Variants in ST18 observed in about 807,000 individuals in gnomAD.
ST18 encodes the protein ST18 C2H2C-type zinc finger transcription factor.
Under a neutral mutation model 110.0 loss-of-function variants are expected in ST18, and 50 were observed. The observed-to-expected ratio is 0.45, with a 90% CI of 0.36 to 0.58. ST18 has a LOEUF of 0.58. Among genes scored for constraint, ST18 ranks in the 20% least tolerant of loss-of-function variants. ST18 has a pLI of 0.00. For synonymous variants in ST18, 461 were observed against 452.4 expected, an observed-to-expected ratio of 1.02 and a Z score of -0.24; for missense variants, 1,306 against 1,280.1, an observed-to-expected ratio of 1.02 and a Z score of -0.31.
At chr8:52,168,574 G>A (rs777394905) in intron 10 of ST18, among the ~76,000 whole-genome samples, 2 of 152,050 alleles carry the variant, frequency 1.3e-5, no homozygotes, top group Admixed American at 6.6e-5. Context: ...CCTTCGAGTC[G>A]TTCTGCGCTG....
At chr8:52,168,960 A>G (rs532988255) in intron 10 of ST18, among the ~76,000 whole-genome samples, 2 of 152,208 alleles carry the variant, frequency 1.3e-5, no homozygotes, top group South Asian at 4.1e-4. Flanking sequence ...CCTCTCTTGG[A>G]CCTTGCCCAG....
chr8:52,189,577 G>A (rs1381951759), intron 8 of ST18, among the ~76,000 whole-genome samples: 2 of 152,196 alleles, frequency 1.3e-5, no homozygotes, highest in Non-Finnish European at 2.9e-5. Flanking sequence ...AAAGAGAAGA[G>A]CCATGTCCTT....
chr8:52,395,606 T>C (rs1167623114), intron 2 of ST18, among the ~76,000 whole-genome samples: 1 of 152,118 alleles, frequency 6.6e-6, no homozygotes, highest in African/African-American at 2.4e-5. Flanking sequence ...GACTTTCTCG[T>C]GGTCCATGAG....
intron 25 of ST18, among the ~76,000 whole-genome samples, chr8:52,115,485 A>G (rs2130335433): frequency 6.6e-6 from 1 of 152,322 alleles, no homozygotes; most frequent in South Asian, 2.1e-4. Flanking sequence ...TATGGTTTAG[A>G]TATGTTTTTC....
intron 8 of ST18, among the ~76,000 whole-genome samples, chr8:52,197,889 GCACA>G (rs57662247): frequency 2.0e-5 from 3 of 150,150 alleles, no homozygotes; most frequent in Admixed American, 1.3e-4. Flanking sequence ...AACAAAATGA[GCACA>G]CACACACACA....
rs771591994 is a variant in ST18 at position 52,214,284 on chromosome 8, G to C, written c.1-27C>G. ...TATAACATGAACACAAAGTCCTGAG[G>C]TCATTCCTTTGACATTGACCAAAAT... On this transcript the variant is annotated intron_variant, in intron 6 of 25. Coordinates refer to ENST00000689386, the MANE Select transcript of ST18 (RefSeq NM_001352837.2). The C allele has an allele frequency of 2.4e-5, 39 of 1,612,422 alleles. No individual in the cohort carries two copies. The South Asian group carries it at 4.3e-4, about 18-fold the overall frequency.
intron 23 of ST18, among the ~76,000 whole-genome samples, chr8:52,122,250 T>C (rs2045211889): frequency 6.6e-6 from 1 of 152,176 alleles, no homozygotes; most frequent in Non-Finnish European, 1.5e-5. Flanking sequence ...TTCTAATATT[T>C]ATTTGGTACT....
chr8:52,312,955 A>T (rs2095949310), intron 2 of ST18, among the ~76,000 whole-genome samples: 1 of 152,140 alleles, frequency 6.6e-6, no homozygotes, highest in South Asian at 2.1e-4. Flanking sequence ...AACTTTATGC[A>T]TGTTTGGTAC....
At chr8:52,177,035 T>G (rs1290641848) in intron 9 of ST18, among the ~76,000 whole-genome samples, 1 of 152,192 alleles carries the variant, frequency 6.6e-6, no homozygotes, top group Non-Finnish European at 1.5e-5. Flanking sequence ...CCCCTAGAAC[T>G]TCTATGACTG....
At chr8:52,344,380 G>A (rs1228020393) in intron 2 of ST18, among the ~76,000 whole-genome samples, 1 of 147,678 alleles carries the variant, frequency 6.8e-6, no homozygotes, top group East Asian at 2.0e-4. Context: ...CAGTAAATCT[G>A]ATTAAAGCCC....
At chr8:52,131,387 T>C (rs1227217027) in intron 22 of ST18, among the ~76,000 whole-genome samples, 1 of 152,202 alleles carries the variant, frequency 6.6e-6, no homozygotes, top group African/African-American at 2.4e-5. Flanking sequence ...GTTGAATGCA[T>C]GACACTCGGT....
chr8:52,233,716 C>T (rs2092051621), intron 2 of ST18, among the ~76,000 whole-genome samples: 1 of 152,166 alleles, frequency 6.6e-6, no homozygotes, highest in African/African-American at 2.4e-5. Flanking sequence ...TTTTCATTGG[C>T]TTTCACCAGC....
At chr8:52,198,128 T>A (rs1396476646) in intron 8 of ST18, among the ~76,000 whole-genome samples, 1 of 152,134 alleles carries the variant, frequency 6.6e-6, no homozygotes, top group Non-Finnish European at 1.5e-5. Context: ...TGCCTCAGCC[T>A]CCTGAGTAGC....
intron 25 of ST18, among the ~76,000 whole-genome samples, chr8:52,115,938 G>A (rs1350669340): frequency 6.6e-6 from 1 of 152,088 alleles, no homozygotes; most frequent in South Asian, 2.1e-4. Flanking sequence ...CTCAAATTTT[G>A]TAAGACATGG....
chr8:52,405,746 A>G (rs1444643301), intron 2 of ST18: 2 of 152,186 alleles, frequency 1.3e-5, no homozygotes, highest in Admixed American at 1.3e-4. Context: ...CCATAAAAGT[A>G]GATTCTTAAA....
intron 2 of ST18, among the ~76,000 whole-genome samples, chr8:52,289,813 T>C (rs1157196092): frequency 1.3e-5 from 2 of 152,054 alleles, no homozygotes; most frequent in African/African-American, 4.8e-5. Flanking sequence ...ATGGAGCAAA[T>C]TGCATTGTTG....
intron 2 of ST18, among the ~76,000 whole-genome samples, chr8:52,396,250 A>G (rs1841085646): frequency 6.6e-6 from 1 of 152,104 alleles, no homozygotes; most frequent in Admixed American, 6.6e-5. Context: ...CATTCTACAT[A>G]TGACTACTTT....
At chr8:52,380,481 CT>C (rs1412675726) in intron 2 of ST18, among the ~76,000 whole-genome samples, 6 of 152,068 alleles carry the variant, frequency 3.9e-5, no homozygotes, top group African/African-American at 1.2e-4. Flanking sequence ...ACGGGCACCC[CT>C]AATCTCCATG....
chr8:52,406,100 C>A (rs1025699603), intron 2 of ST18: 8 of 152,066 alleles, frequency 5.3e-5, no homozygotes, highest in African/African-American at 1.9e-4. Flanking sequence ...GCTGTGAAGA[C>A]AAGAGTCAAA....
Sources: allele counts gnomAD v4.1 joint callset (sites outside exome capture counted in the v4.1 genomes callset), GRCh38; gene constraint gnomAD v4.1.1; transcripts MANE v1.5; gene names NCBI Gene and HGNC (gene_info 2026-07-23, HGNC 2026-07-21).